PEX13: variants seen among roughly 807,000 people sequenced by gnomAD.
PEX13 encodes peroxisomal biogenesis factor 13.
A neutral mutation model predicts 34.5 loss-of-function variants in PEX13; 28 were observed. That is an observed-to-expected ratio of 0.81 (90% confidence interval 0.60 to 1.11). The LOEUF is 1.11. PEX13 is among the 50% of genes most tolerant of loss of function. The probability of loss-of-function intolerance (pLI) is 0.00; values close to 1 mark genes in which losing one functional copy is unlikely to be tolerated. For missense variants in PEX13, 550 were observed against 491.0 expected, an observed-to-expected ratio of 1.12 and a Z score of -1.13; for synonymous variants, 177 against 175.1, an observed-to-expected ratio of 1.01 and a Z score of -0.09.
At position 61,050,653 on chromosome 2, in the gene PEX13, T is replaced by A. The variant is rs527393080; in HGVS notation, c.*1883T>A. On this transcript the variant is annotated 3_prime_UTR_variant, in exon 4 of 4. Transcript: ENST00000295030. The stretch of plus-strand genomic sequence containing the variant: ...GTCTTTTTTTGAAACGGAGTCTCAC[T>A]CTGTCGCCCAGGCTGGAGTCCAGTG... 1.3e-5 allele frequency: 2 copies of A among 152,382 alleles called. No homozygotes were observed. The highest frequency in any genetic ancestry group is 4.8e-5 in the African/African-American group (2 of 41,574). The allele number at this position is 152,382 out of a possible 1,614,324, so 9.4% of individuals were successfully genotyped here. A position where few individuals can be genotyped will look rare whatever the true frequency, so the allele number is the denominator to read the frequency against.
At chr2:61,032,198 G>C (rs1573553830) in intron 2 of PEX13, 85 bp downstream of exon 2, 1 of 989,422 alleles carries the variant, frequency 1.0e-6, no homozygotes, top group Non-Finnish European at 1.5e-6. Context: ...TCTTTATATT[G>C]ATTTGTATTT....
intron 3 of PEX13, 42 bp downstream of exon 3, chr2:61,045,893 A>G (rs1661809863): frequency 2.7e-6 from 4 of 1,476,996 alleles, no homozygotes; most frequent in African/African-American, 1.4e-5. Flanking sequence ...GTAAATTTTG[A>G]TATTCATAAA....
At chr2:61,019,263 G>T (rs965454165) in intron 1 of PEX13, among the ~76,000 whole-genome samples, 1 of 151,462 alleles carries the variant, frequency 6.6e-6, no homozygotes, top group Non-Finnish European at 1.5e-5. Flanking sequence ...ATCTGTTTTT[G>T]TTTTTTCTGT....
At chr2:61,018,013 G>A (rs552512467) in intron 1 of PEX13, 162 bp downstream of exon 1, 9 of 1,368,828 alleles carry the variant, frequency 6.6e-6, no homozygotes, top group Middle Eastern at 3.7e-4. Context: ...CTTACCAGTG[G>A]GGACTTTAGT....
intron 2 of PEX13, among the ~76,000 whole-genome samples, chr2:61,040,859 G>GTA (rs1215528084): frequency 1.4e-5 from 2 of 147,410 alleles, no homozygotes; most frequent in Non-Finnish European, 3.0e-5. Context: ...ATATATATGT[G>GTA]TATATATATA....
At chr2:61,029,260 G>T (rs929473095) in intron 1 of PEX13, among the ~76,000 whole-genome samples, 1 of 151,940 alleles carries the variant, frequency 6.6e-6, no homozygotes, top group Non-Finnish European at 1.5e-5. Flanking sequence ...ATCATTAGCC[G>T]TCAAGAAAAT....
intron 1 of PEX13, among the ~76,000 whole-genome samples, chr2:61,022,069 G>C (rs1381001764): frequency 1.3e-5 from 2 of 152,190 alleles, no homozygotes; most frequent in Non-Finnish European, 2.9e-5. Flanking sequence ...CAAAGATGGG[G>C]AGAAACCAGA....
chr2:61,029,688 T>C (rs1680418413), intron 1 of PEX13, among the ~76,000 whole-genome samples: 1 of 152,176 alleles, frequency 6.6e-6, no homozygotes. Flanking sequence ...GGCTAACACC[T>C]GTTATCCTGA....
At chr2:61,023,679 A>G (rs1437446128) in intron 1 of PEX13, among the ~76,000 whole-genome samples, 1 of 151,360 alleles carries the variant, frequency 6.6e-6, no homozygotes, top group Non-Finnish European at 1.5e-5. Context: ...CAAGAAGTCT[A>G]GAGATCTGCC....
chr2:61,023,363 C>T (rs1680294844), intron 1 of PEX13, among the ~76,000 whole-genome samples: 1 of 151,704 alleles, frequency 6.6e-6, no homozygotes, highest in Non-Finnish European at 1.5e-5. Context: ...ACGTTTGGTC[C>T]TCTAGCTTTA....
chr2:61,025,364 T>C (rs1197798501), intron 1 of PEX13, among the ~76,000 whole-genome samples: 5 of 144,630 alleles, frequency 3.5e-5, no homozygotes, highest in African/African-American at 1.3e-4. Context: ...TTATCATTAT[T>C]ATTATTATTA....
chr2:61,038,881 T>A (rs1680576447), intron 2 of PEX13, among the ~76,000 whole-genome samples: 1 of 152,216 alleles, frequency 6.6e-6, no homozygotes, highest in Non-Finnish European at 1.5e-5. Context: ...CAAAATCTCC[T>A]TAAGCTGATA....
intron 1 of PEX13, 122 bp downstream of exon 1, chr2:61,017,973 G>T (rs1339386684): frequency 2.0e-5 from 27 of 1,322,190 alleles, no homozygotes; most frequent in African/African-American, 2.9e-5. Context: ...ACCCAACCTT[G>T]GGGATAGGGG....
intron 1 of PEX13, among the ~76,000 whole-genome samples, chr2:61,021,249 G>A (rs1680256156): frequency 6.6e-6 from 1 of 152,150 alleles, no homozygotes; most frequent in Non-Finnish European, 1.5e-5. Context: ...GGGATTGGGG[G>A]ATTTCCCTTT....
intron 3 of PEX13, among the ~76,000 whole-genome samples, chr2:61,046,374 C>T (rs1323891487): frequency 6.6e-6 from 1 of 152,108 alleles, no homozygotes; most frequent in Non-Finnish European, 1.5e-5. Context: ...GTCACTGATA[C>T]TTTTTAATGA....
At chr2:61,041,739 C>G (rs1680628536) in intron 2 of PEX13, among the ~76,000 whole-genome samples, 2 of 152,106 alleles carry the variant, frequency 1.3e-5, no homozygotes, top group Non-Finnish European at 2.9e-5. Context: ...TTTGCTTTGT[C>G]TTTTCAGAAG....
At chr2:61,019,265 T>G (rs1440489923) in intron 1 of PEX13, among the ~76,000 whole-genome samples, 1 of 152,022 alleles carries the variant, frequency 6.6e-6, no homozygotes, top group Non-Finnish European at 1.5e-5. Context: ...CTGTTTTTGT[T>G]TTTTCTGTTG....
intron 1 of PEX13, among the ~76,000 whole-genome samples, chr2:61,026,603 C>T (rs74497622): frequency 6.6e-6 from 1 of 151,644 alleles, no homozygotes; most frequent in Non-Finnish European, 1.5e-5. Flanking sequence ...ACCTCAGCCT[C>T]CCAAAGTGCT....
At chr2:61,027,226 T>C (rs1270306144) in intron 1 of PEX13, among the ~76,000 whole-genome samples, 1 of 150,350 alleles carries the variant, frequency 6.7e-6, no homozygotes, top group Non-Finnish European at 1.5e-5. Flanking sequence ...TAGTCCCAGC[T>C]ACTTGGGAAG....
Sources: gnomAD v4.1 joint callset for allele counts (sites outside exome capture counted in the v4.1 genomes callset) on GRCh38, gnomAD v4.1.1 for gene constraint, MANE v1.5 for transcripts, NCBI Gene and HGNC (gene_info 2026-07-23, HGNC 2026-07-21) for gene names.